The following STARD13 variants were observed in gnomAD, a reference collection of about 807,000 sequenced individuals.
STARD13 encodes stAR-related lipid transfer protein 13.
Under a neutral mutation model 106.4 loss-of-function variants are expected in STARD13, and 62 were observed. That is an observed-to-expected ratio of 0.58 (90% CI 0.48 to 0.72). The LOEUF (loss-of-function observed/expected upper bound fraction) is 0.72. Among genes scored for constraint, STARD13 ranks in the 30% least tolerant of loss-of-function variants. The pLI is 0.00. For synonymous variants in STARD13, 565 were observed against 553.0 expected (o/e 1.02, Z -0.31); for missense variants, 1,387 against 1,424.0 (o/e 0.97, Z 0.42).
At chr13:33,607,093 G>GT in the STARD13 span, among the ~76,000 whole-genome samples, 20 of 147,266 alleles carry the variant, frequency 1.4e-4, no homozygotes, top group African/African-American at 4.5e-4. Context: ...TTGGGGGACA[G>GT]TTTTGTTTTT....
chr13:33,320,947 G>A (rs1356203137), intron 1 of STARD13, among the ~76,000 whole-genome samples: 1 of 152,118 alleles, frequency 6.6e-6, no homozygotes, highest in East Asian at 1.9e-4. Context: ...TATCATTGAA[G>A]GTTAGCCATG....
At chr13:33,618,692 T>C in the STARD13 span, among the ~76,000 whole-genome samples, 2 of 152,060 alleles carry the variant, frequency 1.3e-5, no homozygotes, top group Non-Finnish European at 2.9e-5. Context: ...CTTTCCATCA[T>C]TGAACAGCAG....
the STARD13 span, among the ~76,000 whole-genome samples, chr13:33,586,099 A>G: frequency 1.6e-4 from 24 of 152,360 alleles, no homozygotes; most frequent in African/African-American, 5.3e-4. Flanking sequence ...TTTTACTGCA[A>G]TAAGAATATA....
chr13:33,110,395 T>C (rs1874358782), intron 11 of STARD13, among the ~76,000 whole-genome samples: 1 of 152,214 alleles, frequency 6.6e-6, no homozygotes, highest in Non-Finnish European at 1.5e-5. Context: ...TCTTACAATG[T>C]CCATTTTGCA....
In STARD13 at chr13:33,109,564, G is replaced by A. The variant is rs113536883; in HGVS notation, c.3047+309C>T. Among the ~76,000 whole-genome samples the A allele has an allele frequency of 1.5e-3, 230 of 152,320 alleles. 1 individual carries two copies. Among genetic ancestry groups the A allele is most frequent in the African/African-American group, 5.2e-3 (217 of 41,568 alleles). Reference sequence around the variant, plus strand: ...GCATAATTTGGCAGAAAGTGCAACCGGACAAACAGCAGCTTTTCTGGGCCG... The same window carrying A: ...GCATAATTTGGCAGAAAGTGCAACCAGACAAACAGCAGCTTTTCTGGGCCG... On this transcript the variant is annotated intron_variant, in intron 12 of 13. Transcript: ENST00000336934.
At chr13:33,589,516 T>G in the STARD13 span, among the ~76,000 whole-genome samples, 5 of 152,214 alleles carry the variant, frequency 3.3e-5, no homozygotes, top group African/African-American at 9.6e-5. Flanking sequence ...TCTCATTGGT[T>G]TCGAAGAACA....
chr13:33,260,184 T>A (rs1890571168), intron 1 of STARD13, among the ~76,000 whole-genome samples: 1 of 152,326 alleles, frequency 6.6e-6, no homozygotes, highest in African/African-American at 2.4e-5. Flanking sequence ...CAGGTCTTTC[T>A]AACTTTCCAG....
the STARD13 span, among the ~76,000 whole-genome samples, chr13:33,495,009 C>A: frequency 6.6e-6 from 1 of 151,796 alleles, no homozygotes. Flanking sequence ...ACTAACCATG[C>A]ATTCCCATGA....
chr13:33,279,721 G>C (rs1318976398), intron 1 of STARD13: 1 of 152,176 alleles, frequency 6.6e-6, no homozygotes, highest in African/African-American at 2.4e-5. Context: ...AAACTCTCAA[G>C]TTTTATATGT....
At chr13:33,564,206 CA>C in the STARD13 span, among the ~76,000 whole-genome samples, 4,500 of 53,838 alleles carry the variant, frequency 0.084, 390 homozygotes, top group African/African-American at 0.23. Context: ...GACTGTATCT[CA>C]AAAAAAAAAA....
intron 1 of STARD13, among the ~76,000 whole-genome samples, chr13:33,195,521 T>C (rs1886550444): frequency 6.6e-6 from 1 of 152,170 alleles, no homozygotes; most frequent in African/African-American, 2.4e-5. Flanking sequence ...TGACAAATAT[T>C]TTTCTATGTG....
chr13:33,239,372 A>C (rs1355445505), intron 1 of STARD13, among the ~76,000 whole-genome samples: 2 of 152,162 alleles, frequency 1.3e-5, no homozygotes, highest in Non-Finnish European at 2.9e-5. Flanking sequence ...TCTTGGCTTT[A>C]ATCCTTTTAG....
the STARD13 span, among the ~76,000 whole-genome samples, chr13:33,664,079 A>G: frequency 6.6e-6 from 1 of 152,202 alleles, no homozygotes; most frequent in African/African-American, 2.4e-5. Context: ...CATCAGAGAT[A>G]AAACAGGATT....
intron 1 of STARD13, among the ~76,000 whole-genome samples, chr13:33,244,108 C>T (rs1889703767): frequency 1.3e-5 from 2 of 150,986 alleles, no homozygotes; most frequent in East Asian, 2.0e-4. Flanking sequence ...GAAATGCTCA[C>T]TGGAGCATTT....
At chr13:33,343,576 T>TCAAAAAAA (rs2077984001) in intron 1 of STARD13, among the ~76,000 whole-genome samples, 1 of 3,810 alleles carries the variant, frequency 2.6e-4, no homozygotes, top group South Asian at 9.8e-3. Flanking sequence ...AGACCCTGTC[T>TCAAAAAAA]TAAAAAAAAA....
chr13:33,252,958 G>A (rs1283255384), intron 1 of STARD13, among the ~76,000 whole-genome samples: 1 of 152,260 alleles, frequency 6.6e-6, no homozygotes, highest in East Asian at 1.9e-4. Flanking sequence ...CTGACCTTGG[G>A]CCCATGTCAC....
chr13:33,294,033 G>T (rs1393195023), intron 1 of STARD13, among the ~76,000 whole-genome samples: 1 of 152,162 alleles, frequency 6.6e-6, no homozygotes, highest in Non-Finnish European at 1.5e-5. Flanking sequence ...AAAAGTATAT[G>T]CTTTGACCAT....
At chr13:33,673,400 A>G in the STARD13 span, among the ~76,000 whole-genome samples, 1 of 152,134 alleles carries the variant, frequency 6.6e-6, no homozygotes, top group Non-Finnish European at 1.5e-5. Context: ...AGAAATTCCC[A>G]ATAAACTCTT....
chr13:33,518,420 C>T, the STARD13 span, among the ~76,000 whole-genome samples: 14 of 152,078 alleles, frequency 9.2e-5, no homozygotes, highest in Admixed American at 9.2e-4. Context: ...GTGGCTACTC[C>T]TGAAATCCAC....
Sources: allele counts gnomAD v4.1 joint callset (sites outside exome capture counted in the v4.1 genomes callset), GRCh38; gene constraint gnomAD v4.1.1; transcripts MANE v1.5; gene names NCBI Gene and HGNC (gene_info 2026-07-23, HGNC 2026-07-21).